The following FZD3 variants were observed in gnomAD, a reference collection of about 807,000 sequenced individuals.
FZD3 encodes the protein frizzled-3.
A neutral mutation model predicts 60.7 loss-of-function variants in FZD3; 30 were observed. That is an observed-to-expected ratio of 0.49 (90% CI 0.37 to 0.67). The LOEUF is 0.67. Among genes scored for constraint, FZD3 ranks in the 30% least tolerant of loss-of-function variants. FZD3 has a pLI of 0.00. For synonymous variants in FZD3, 246 were observed against 275.2 expected (o/e 0.89, Z 1.05); for missense variants, 605 against 838.7 (o/e 0.72, Z 3.44).
intron 7 of FZD3, among the ~76,000 whole-genome samples, chr8:28,560,240 C>T (rs991922168): frequency 7.9e-5 from 12 of 151,960 alleles, no homozygotes; most frequent in African/African-American, 2.4e-4. Flanking sequence ...TTTTTGACAA[C>T]GGCAGCAAAT....
At chr8:28,556,599 C>T (rs78122263) in intron 7 of FZD3, among the ~76,000 whole-genome samples, 2,339 of 151,738 alleles carry the variant, frequency 0.015, 78 homozygotes, top group East Asian at 0.12. Flanking sequence ...AATTAGCAAA[C>T]GTTTTCCGTG....
At chr8:28,532,317 T>C (rs539532271) in intron 5 of FZD3, among the ~76,000 whole-genome samples, 1 of 152,368 alleles carries the variant, frequency 6.6e-6, no homozygotes, top group African/African-American at 2.4e-5. Context: ...TTTTGATTTG[T>C]AAATGAATCT....
At chr8:28,524,227 T>TTTA (rs1432166134) in intron 4 of FZD3, among the ~76,000 whole-genome samples, 9 of 152,244 alleles carry the variant, frequency 5.9e-5, no homozygotes, top group Non-Finnish European at 1.3e-4. Flanking sequence ...CATTTGTTTC[T>TTTA]TTATTTAGCT....
chr8:28,553,904 T>C (rs1805457483), intron 6 of FZD3, among the ~76,000 whole-genome samples: 1 of 152,246 alleles, frequency 6.6e-6, no homozygotes, highest in Non-Finnish European at 1.5e-5. Context: ...CATTTAACGC[T>C]GTAAACAGCC....
intron 3 of FZD3, among the ~76,000 whole-genome samples, chr8:28,505,494 GT>G (rs948421056): frequency 5.9e-5 from 9 of 152,252 alleles, no homozygotes; most frequent in African/African-American, 2.2e-4. Context: ...GGGACTACAG[GT>G]GTGTGCCGCC....
chr8:28,544,177 T>G (rs1805241179), intron 5 of FZD3, among the ~76,000 whole-genome samples: 1 of 152,150 alleles, frequency 6.6e-6, no homozygotes, highest in Non-Finnish European at 1.5e-5. Context: ...TTATTAGGTG[T>G]CAAACACAGT....
At chr8:28,560,230 T>C (rs76425648) in intron 7 of FZD3, among the ~76,000 whole-genome samples, 1 of 22,290 alleles carries the variant, frequency 4.5e-5, no homozygotes, top group South Asian at 1.5e-3. Flanking sequence ...ACTGTAGTAT[T>C]TTTTGACAAC....
intron 5 of FZD3, among the ~76,000 whole-genome samples, chr8:28,529,581 C>T (rs1016206648): frequency 1.3e-5 from 2 of 152,102 alleles, no homozygotes; most frequent in African/African-American, 4.8e-5. Flanking sequence ...GTTACTGCTA[C>T]AGAGAGTATG....
At chr8:28,507,553 G>A (rs991038281) in intron 3 of FZD3, among the ~76,000 whole-genome samples, 17 of 152,134 alleles carry the variant, frequency 1.1e-4, no homozygotes, top group African/African-American at 4.1e-4. Context: ...TTGCAAAATG[G>A]TGATACTCTA....
rs1007450592 is a variant in FZD3, at chr8:28,565,504, T to A, written c.*2493T>A. On this transcript the variant is annotated 3_prime_UTR_variant, in exon 8 of 8. Coordinates refer to ENST00000240093, the MANE Select transcript of FZD3 (RefSeq NM_017412.4). ...TGGGCTCGAAGATGTTGTCATCCAT[T>A]GCCATCTGCATTATATTATCAACTG... 8 of 152,202 alleles carry A rather than the reference T, an allele frequency of 5.3e-5. No individual in the cohort carries two copies. Among genetic ancestry groups the A allele is most frequent in the African/African-American group, 1.9e-4 (8 of 41,466 alleles). The allele number at this position is 152,202 out of a possible 1,614,324, so 9.4% of individuals were successfully genotyped here. A position where few individuals can be genotyped will look rare whatever the true frequency, so the allele number is the denominator to read the frequency against.
chr8:28,542,153 C>T (rs1444807013), intron 5 of FZD3, among the ~76,000 whole-genome samples: 1 of 146,462 alleles, frequency 6.8e-6, no homozygotes, highest in Non-Finnish European at 1.5e-5. Flanking sequence ...CCCCTACCTC[C>T]TTCTTTGACT....
chr8:28,522,096 T>G (rs929150953), intron 4 of FZD3, among the ~76,000 whole-genome samples: 1 of 151,526 alleles, frequency 6.6e-6, no homozygotes, highest in Non-Finnish European at 1.5e-5. Context: ...TGTTTTCTTT[T>G]CTCTTCTCTT....
intron 3 of FZD3, among the ~76,000 whole-genome samples, chr8:28,519,893 T>G (rs1490142469): frequency 6.6e-6 from 1 of 152,018 alleles, no homozygotes; most frequent in African/African-American, 2.4e-5. Context: ...CAATTGTTAA[T>G]TGAAGAAGAT....
At chr8:28,523,627 G>A (rs1234286972) in intron 4 of FZD3, among the ~76,000 whole-genome samples, 17 of 151,968 alleles carry the variant, frequency 1.1e-4, no homozygotes, top group Non-Finnish European at 1.9e-4. Flanking sequence ...TGTAGAGATG[G>A]GGTCTTGCTT....
rs193015858 is a variant in FZD3, at chr8:28,568,090, T to A, written c.*5079T>A. ...GAGAATTGTTTGTACACATTTATAA[T>A]TTTTTTAAAGTATGTAAAGTAAGGA... is the stretch of plus-strand genomic sequence containing the variant. On this transcript the variant is annotated 3_prime_UTR_variant, in exon 8 of 8. Coordinates refer to ENST00000240093, the MANE Select transcript of FZD3 (RefSeq NM_017412.4). The A allele has an allele frequency of 1.1e-3, 165 of 152,072 alleles. No homozygotes were observed. The highest frequency in any genetic ancestry group is 3.4e-3 in the Middle Eastern group (1 of 294). The allele number at this position is 152,072 out of a possible 1,614,324, so 9.4% of individuals were successfully genotyped here. A position where few individuals can be genotyped will look rare whatever the true frequency, so the allele number is the denominator to read the frequency against.
intron 5 of FZD3, among the ~76,000 whole-genome samples, chr8:28,529,052 A>T (rs1449168533): frequency 6.6e-6 from 1 of 152,094 alleles, no homozygotes; most frequent in Non-Finnish European, 1.5e-5. Context: ...ATTAGCTAGG[A>T]CTACAGGTGT....
chr8:28,507,987 G>A lies in FZD3; in HGVS notation c.189+4785G>A, dbSNP rs57345075. On this transcript the variant is annotated intron_variant, in intron 3 of 7. Coordinates refer to ENST00000240093, the MANE Select transcript of FZD3 (RefSeq NM_017412.4). ...GCTCACTGTAGCCTGAAGCTCCTAA[G>A]CTCAAACAATCCCCCTACCTCAGCC... 1.2e-4 allele frequency among the ~76,000 whole-genome samples: 19 copies of A among 152,184 alleles called. No individual in the cohort carries two copies. The East Asian group carries it at 3.7e-3, about 29-fold the overall frequency.
At chr8:28,528,984 A>T (rs1230898744) in intron 5 of FZD3, among the ~76,000 whole-genome samples, 1 of 152,130 alleles carries the variant, frequency 6.6e-6, no homozygotes, top group African/African-American at 2.4e-5. Flanking sequence ...GCATGATCAT[A>T]GCTCACTGCA....
chr8:28,508,678 T>TTTTG (rs147155384), intron 3 of FZD3, among the ~76,000 whole-genome samples: 5,831 of 151,540 alleles, frequency 0.038, 311 homozygotes, highest in African/African-American at 0.12. Flanking sequence ...TTTTTGTGTT[T>TTTTG]TTTGTTTGTT....
Sources: gnomAD v4.1 joint callset for allele counts (sites outside exome capture counted in the v4.1 genomes callset) on GRCh38, gnomAD v4.1.1 for gene constraint, MANE v1.5 for transcripts, NCBI Gene and HGNC (gene_info 2026-07-23, HGNC 2026-07-21) for gene names.